POLN: variants seen among roughly 807,000 people sequenced by gnomAD.
POLN encodes the protein DNA polymerase N.
In POLN, 108 loss-of-function variants were observed where a neutral mutation model predicts 113.5. The ratio of observed to expected loss-of-function variants is 0.95; its 90% CI spans 0.81 to 1.12. The LOEUF (loss-of-function observed/expected upper bound fraction) is 1.12, where lower values mean the gene tolerates loss of function less well. Ranked by LOEUF, POLN falls within the 50% of genes most tolerant of loss-of-function variation. The probability of loss-of-function intolerance (pLI) is 0.00; values close to 1 mark genes in which losing one functional copy is unlikely to be tolerated. For synonymous variants in POLN, 386 were observed against 391.5 expected, an observed-to-expected ratio of 0.99 and a Z score of 0.17; for missense variants, 1,097 against 1,077.1, an observed-to-expected ratio of 1.02 and a Z score of -0.26.
chr4:2,240,860 C>T (rs1560107417), intron 2 of POLN: 2 of 1,612,658 alleles, frequency 1.2e-6, no homozygotes. Context: ...CCTCAAACAA[C>T]CAGTCAAAGT....
intron 16 of POLN, among the ~76,000 whole-genome samples, chr4:2,151,974 CT>C (rs916871198): frequency 1.3e-5 from 2 of 151,788 alleles, no homozygotes; most frequent in African/African-American, 4.8e-5. Context: ...AGAAAATTAG[CT>C]TTCTGAAAAT....
chr4:2,234,882 T>C (rs1384770786), intron 2 of POLN, among the ~76,000 whole-genome samples: 4 of 152,126 alleles, frequency 2.6e-5, no homozygotes, highest in Non-Finnish European at 1.5e-5. Context: ...TACAACTACA[T>C]GGAGAAATTT....
Position 2,198,717 on chromosome 4 carries a change from T to A in POLN, c.715A>T (p.Thr239Ser). The A allele has an allele frequency of 6.3e-7, 1 of 1,599,232 alleles. No individual in the cohort carries two copies. The highest frequency in any genetic ancestry group is 2.2e-5 in the East Asian group (1 of 44,502). The change falls in exon 6 of 26, where the codon ACC becomes TCC. Residue 239 changes from threonine (T) to serine (S), a missense_variant and splice_region_variant. Thr to Ser is a moderately conservative substitution (Grantham distance 58). Transcript: ENST00000511885. The part of the protein sequence containing the change: ...DGSTQLGADQ[T>S]PVSSVRGIVV... The stretch of plus-strand genomic sequence containing the variant: ...ATTCCTCTAACAGAAGAAACGGGGG[T>A]CTGTGGAAACACAACAAAATAAATT...
chr4:2,237,573 C>A (rs1260413687), intron 2 of POLN, among the ~76,000 whole-genome samples: 1 of 152,006 alleles, frequency 6.6e-6, no homozygotes, highest in African/African-American at 2.4e-5. Flanking sequence ...GAATTTGAAA[C>A]GGAAGACCTA....
chr4:2,081,672 C>T lies in POLN; in HGVS notation c.2269G>A (p.Ala757Thr). The stretch of plus-strand genomic sequence containing the variant: ...TTCACTGCCTGTCGCTCTGCTTGTG[C>T]CCGGAGTTGCTGGTCATGAGCGTGA... ...RIHAHDQQLRAQAERQAVNFV... is the reference protein window; with the variant it reads ...RIHAHDQQLRTQAERQAVNFV... Residue 757 changes from alanine to threonine, a missense_variant, in exon 22 of 26, where the codon GCA becomes ACA. Coordinates refer to ENST00000511885, the MANE Select transcript of POLN (RefSeq NM_181808.4). 6.2e-6 allele frequency: 10 copies of T among 1,614,172 alleles called. No homozygotes were observed. Among genetic ancestry groups the T allele is most frequent in the Non-Finnish European group, 8.5e-6 (10 of 1,180,024 alleles).
chr4:2,156,978 C>T (rs1732450774), intron 15 of POLN, 125 bp from the exon 16 acceptor site: 2 of 747,670 alleles, frequency 2.7e-6, no homozygotes, highest in Non-Finnish European at 4.6e-6. Context: ...AGCTGCTGGC[C>T]CTAAACTTCC....
At chr4:2,186,695 A>G (rs763859852) in intron 7 of POLN, among the ~76,000 whole-genome samples, 1 of 152,248 alleles carries the variant, frequency 6.6e-6, no homozygotes, top group Non-Finnish European at 1.5e-5. Context: ...GAATCCTTCA[A>G]TGCAAAGAAA....
In POLN at chr4:2,159,231, C is replaced by A. The variant is rs767880372; in HGVS notation, c.1555-20G>T. 16 of 1,565,682 alleles carry A rather than the reference C, an allele frequency of 1.0e-5. No homozygotes were observed. The highest frequency in any genetic ancestry group is 1.1e-5 in the Non-Finnish European group (12 of 1,141,094). ...ATTTAACTAAACATGAAAATAGATACTACCAATGTAATTCGTCCATTTTAA... is the reference window on the plus strand; with the variant it reads ...ATTTAACTAAACATGAAAATAGATAATACCAATGTAATTCGTCCATTTTAA... On this transcript the variant is annotated intron_variant, in intron 13 of 25. Transcript: ENST00000511885.
chr4:2,161,414 C>G (rs1732585655), intron 13 of POLN, among the ~76,000 whole-genome samples: 1 of 152,246 alleles, frequency 6.6e-6, no homozygotes, highest in South Asian at 2.1e-4. Context: ...AGCACCCAGG[C>G]CAGCGGCTGC....
intron 19 of POLN, among the ~76,000 whole-genome samples, chr4:2,125,095 A>G (rs1339596217): frequency 6.6e-6 from 1 of 152,248 alleles, no homozygotes; most frequent in Non-Finnish European, 1.5e-5. Flanking sequence ...GAGGAAATCA[A>G]CAAAGGATAT....
At chr4:2,084,314 A>C (rs1730499571) in intron 21 of POLN, among the ~76,000 whole-genome samples, 1 of 151,332 alleles carries the variant, frequency 6.6e-6, no homozygotes, top group South Asian at 2.1e-4. Flanking sequence ...CCATGCTGGC[A>C]CTCCTCCTGG....
chr4:2,229,038 T>C (rs1734483708), intron 3 of POLN, 61 bp downstream of exon 3: 1 of 1,473,882 alleles, frequency 6.8e-7, no homozygotes, highest in Non-Finnish European at 9.3e-7. Context: ...CAATTCTTAG[T>C]CTTTAGAACA....
intron 16 of POLN, among the ~76,000 whole-genome samples, chr4:2,140,518 G>C (rs1023420128): frequency 6.6e-6 from 1 of 152,196 alleles, no homozygotes; most frequent in Non-Finnish European, 1.5e-5. Flanking sequence ...AGACCAAGGT[G>C]AATGGATCAC....
chr4:2,234,546 G>A (rs1025583841), intron 2 of POLN: 2 of 153,330 alleles, frequency 1.3e-5, no homozygotes, highest in Non-Finnish European at 2.9e-5. Context: ...TTCTCCCAGG[G>A]TGGTAAACGG....
intron 11 of POLN, among the ~76,000 whole-genome samples, chr4:2,173,252 C>T (rs937963549): frequency 1.3e-5 from 2 of 152,100 alleles, no homozygotes; most frequent in East Asian, 3.9e-4. Context: ...TTCCTTTAAA[C>T]ATTTTATTTT....
At chr4:2,218,443 T>TAAAA (rs577978110) in intron 3 of POLN, among the ~76,000 whole-genome samples, 12,409 of 146,080 alleles carry the variant, frequency 0.085, 784 homozygotes, top group African/African-American at 0.17. Flanking sequence ...GAAACTGCCT[T>TAAAA]AAAAAAAAAA....
intron 13 of POLN, among the ~76,000 whole-genome samples, chr4:2,163,734 C>T (rs1258061837): frequency 1.3e-5 from 2 of 152,360 alleles, no homozygotes; most frequent in East Asian, 1.9e-4. Context: ...CCTGGGCATC[C>T]GTGTTTTCCA....
At chr4:2,130,384 AG>A (rs1731696383) in intron 17 of POLN, among the ~76,000 whole-genome samples, 1 of 152,170 alleles carries the variant, frequency 6.6e-6, no homozygotes, top group Non-Finnish European at 1.5e-5. Context: ...CCTGCACAGC[AG>A]GGCCCCCAGC....
intron 3 of POLN, among the ~76,000 whole-genome samples, chr4:2,225,504 A>C (rs1394287705): frequency 6.6e-6 from 1 of 151,818 alleles, no homozygotes; most frequent in Admixed American, 6.6e-5. Context: ...CAGTGAGCCG[A>C]GATCGCACCA....
Sources: allele counts gnomAD v4.1 joint callset (sites outside exome capture counted in the v4.1 genomes callset), GRCh38; gene constraint gnomAD v4.1.1; transcripts MANE v1.5; gene names NCBI Gene and HGNC (gene_info 2026-07-23, HGNC 2026-07-21).